Variants in CYFIP2 observed in about 807,000 individuals in gnomAD.
CYFIP2 encodes the protein cytoplasmic FMR1-interacting protein 2.
Under a neutral mutation model 158.7 loss-of-function variants are expected in CYFIP2, and 29 were observed. That is an observed-to-expected ratio of 0.18 (90% CI 0.14 to 0.25). The LOEUF (loss-of-function observed/expected upper bound fraction) is 0.25. Among genes scored for constraint, CYFIP2 ranks in the 10% least tolerant of loss-of-function variants. CYFIP2 has a pLI of 1.00. For missense variants in CYFIP2, 852 were observed against 1,639.5 expected (o/e 0.52, Z 8.29); for synonymous variants, 585 against 617.6 (o/e 0.95, Z 0.78).
Position 157,287,091 on chromosome 5 carries a change from A to T in CYFIP2, c.190A>T (p.Thr64Ser). 6.2e-7 allele frequency: 1 copy of T among 1,613,312 alleles called. No individual in the cohort carries two copies. Among genetic ancestry groups the T allele is most frequent in the Non-Finnish European group, 8.5e-7 (1 of 1,179,400 alleles). ...TGIARYIEQA[T>S]VHSSMNEMLE... ...CATTGCAAGGTACATTGAGCAGGCTACAGTCCACTCCAGCATGGTAAGTCT... is the reference window on the plus strand; with the variant it reads ...CATTGCAAGGTACATTGAGCAGGCTTCAGTCCACTCCAGCATGGTAAGTCT... The change falls in exon 3 of 31, where the codon ACA becomes TCA. Residue 64 changes from threonine (T) to serine (S), a missense_variant. Coordinates refer to ENST00000620254, the MANE Select transcript of CYFIP2 (RefSeq NM_001037333.3).
chr5:157,367,568 A>G (rs1236434457), intron 26 of CYFIP2, among the ~76,000 whole-genome samples: 1 of 152,084 alleles, frequency 6.6e-6, no homozygotes, highest in African/African-American at 2.4e-5. Context: ...AGCTTTGCCG[A>G]TTGTTTTTGT....
chr5:157,291,656 G>A (rs1254621626), intron 3 of CYFIP2, among the ~76,000 whole-genome samples: 1 of 152,190 alleles, frequency 6.6e-6, no homozygotes, highest in Non-Finnish European at 1.5e-5. Context: ...GGACCCACGG[G>A]CTTGATTGGT....
At chr5:157,359,820 T>C in intron 24 of CYFIP2, among the ~76,000 whole-genome samples, 1 of 152,244 alleles carries the variant, frequency 6.6e-6, no homozygotes, top group East Asian at 1.9e-4. Context: ...TCCAATTCTT[T>C]GGCAGTAGCT....
At chr5:157,271,780 C>T (rs995544336) in intron 1 of CYFIP2, among the ~76,000 whole-genome samples, 1 of 152,174 alleles carries the variant, frequency 6.6e-6, no homozygotes, top group Non-Finnish European at 1.5e-5. Context: ...GGTTTCACAT[C>T]GATGGAGCTG....
intron 23 of CYFIP2, chr5:157,343,005 G>T (rs1266962945): frequency 6.2e-7 from 1 of 1,614,220 alleles, no homozygotes; most frequent in South Asian, 1.1e-5. Flanking sequence ...ACCAGGGGGA[G>T]CCCCTGCAGG....
intron 21 of CYFIP2, among the ~76,000 whole-genome samples, chr5:157,334,073 A>AATGAACAG (rs1761680858): frequency 6.6e-6 from 1 of 152,266 alleles, no homozygotes; most frequent in African/African-American, 2.4e-5. Flanking sequence ...TTCAAAAGCG[A>AATGAACAG]ATGAACAGAA....
rs530441802 is a variant in CYFIP2, at chr5:157,268,349, A to T, written c.-24+2154A>T. On this transcript the variant is annotated intron_variant, in intron 1 of 30. Transcript: ENST00000620254. Reference sequence around the variant, plus strand: ...CAACCCAGTGGGGTTGGAGAGTTTTACTCAAATCAGATGCTGGCCCAGAGA... The same window carrying T: ...CAACCCAGTGGGGTTGGAGAGTTTTTCTCAAATCAGATGCTGGCCCAGAGA... 7.7e-4 allele frequency among the ~76,000 whole-genome samples: 118 copies of T among 152,326 alleles called. 1 individual carries two copies. Among genetic ancestry groups the T allele is most frequent in the African/African-American group, 2.6e-3 (110 of 41,568 alleles).
chr5:157,382,218 C>G (rs575536307), intron 26 of CYFIP2, among the ~76,000 whole-genome samples: 1 of 152,236 alleles, frequency 6.6e-6, no homozygotes, highest in East Asian at 1.9e-4. Flanking sequence ...ACCTCACAAC[C>G]AAAAAGACAC....
At chr5:157,327,794 C>A in intron 18 of CYFIP2, 179 bp from the exon 19 acceptor site, 1 of 596,242 alleles carries the variant, frequency 1.7e-6, no homozygotes, top group South Asian at 2.0e-5. Context: ...TGACTGAGGA[C>A]CCTGAGAGCA....
At chr5:157,379,798 G>A (rs116351253) in intron 26 of CYFIP2, among the ~76,000 whole-genome samples, 463 of 151,802 alleles carry the variant, frequency 3.1e-3, no homozygotes, top group African/African-American at 0.011. Context: ...CAGCAGGTTC[G>A]CCTTGCCCAC....
chr5:157,266,475 G>A lies in CYFIP2; in HGVS notation c.-24+280G>A, dbSNP rs1350640126. ...CGGCGGGGGAGCCGCAGCAGCAGGTGCGCGGCCTGGGCCGGAGCCGCCAGC... is the reference window on the plus strand; with the variant it reads ...CGGCGGGGGAGCCGCAGCAGCAGGTACGCGGCCTGGGCCGGAGCCGCCAGC... On this transcript the variant is annotated intron_variant, in intron 1 of 30. Coordinates refer to ENST00000620254, the MANE Select transcript of CYFIP2 (RefSeq NM_001037333.3). The surrounding 1 kb of genome is among the most constrained non-coding windows in gnomAD (Gnocchi z 4.2). 6.6e-6 allele frequency: 1 copy of A among 152,182 alleles called. No individual in the cohort carries two copies. The highest frequency in any genetic ancestry group is 2.4e-5 in the African/African-American group (1 of 41,432). 9.4% of individuals were successfully genotyped at this position (152,182 alleles called of 1,614,324 possible).
intron 23 of CYFIP2, chr5:157,342,857 C>T: frequency 6.2e-7 from 1 of 1,606,446 alleles, no homozygotes; most frequent in Non-Finnish European, 8.5e-7. Flanking sequence ...CTCTCCTCCC[C>T]ACTCTCATTC....
chr5:157,332,848 G>T (rs1221874126), intron 20 of CYFIP2, among the ~76,000 whole-genome samples: 1 of 152,126 alleles, frequency 6.6e-6, no homozygotes, highest in Non-Finnish European at 1.5e-5. Flanking sequence ...TTCTTACTGT[G>T]TTGCCCATGC....
intron 1 of CYFIP2, among the ~76,000 whole-genome samples, chr5:157,280,363 A>ATTTTTTTTTTTTTTTTTT (rs57893061): frequency 2.3e-5 from 3 of 133,222 alleles, no homozygotes; most frequent in South Asian, 2.4e-4. Flanking sequence ...CGCCTGGCTA[A>ATTTTTTTTTTTTTTTTTT]TTTTTTTTTT....
intron 8 of CYFIP2, among the ~76,000 whole-genome samples, chr5:157,306,232 C>T (rs950395367): frequency 6.6e-6 from 1 of 152,194 alleles, no homozygotes. Context: ...GTTAAGTTTG[C>T]AGGGCTGAGT....
At chr5:157,313,348 T>C (rs1469456885) in intron 11 of CYFIP2, among the ~76,000 whole-genome samples, 1 of 152,262 alleles carries the variant, frequency 6.6e-6, no homozygotes, top group Non-Finnish European at 1.5e-5. Context: ...TGAACAAAGC[T>C]TATCTAGAAC....
chr5:157,389,917 G>A (rs1387827817), intron 29 of CYFIP2, among the ~76,000 whole-genome samples: 1 of 152,234 alleles, frequency 6.6e-6, no homozygotes, highest in Non-Finnish European at 1.5e-5. Context: ...GGTTGGGGCT[G>A]CTGCTTGAGG....
chr5:157,364,443 G>A (rs1263546181), intron 26 of CYFIP2: 1 of 152,218 alleles, frequency 6.6e-6, no homozygotes, highest in African/African-American at 2.4e-5. Context: ...TGAGACCTGA[G>A]ACAGACCCGC....
intron 5 of CYFIP2, 53 bp from the exon 6 acceptor site, chr5:157,300,662 C>G: frequency 7.3e-7 from 1 of 1,371,880 alleles, no homozygotes; most frequent in Non-Finnish European, 9.5e-7. Flanking sequence ...AGCCTGGACC[C>G]TGCCCCCATA....
Sources: gnomAD v4.1 joint callset for allele counts (sites outside exome capture counted in the v4.1 genomes callset) on GRCh38, gnomAD v4.1.1 for gene constraint, Gnocchi (gnomAD v3.1) non-coding constraint, MANE v1.5 for transcripts, NCBI Gene and HGNC (gene_info 2026-07-23, HGNC 2026-07-21) for gene names.